IL1RAPL2: variants seen among roughly 807,000 people sequenced by gnomAD.
The protein encoded by IL1RAPL2 is X-linked interleukin-1 receptor accessory protein-like 2.
Under a neutral mutation model 44.1 loss-of-function variants are expected in IL1RAPL2, and 3 were observed. That is an observed-to-expected ratio of 0.07 (90% CI 0.03 to 0.18). The LOEUF is 0.18. Ranked by LOEUF, IL1RAPL2 falls within the 10% of genes least tolerant of loss-of-function variation. The pLI is 1.00. For missense variants in IL1RAPL2, 391 were observed against 496.4 expected, an observed-to-expected ratio of 0.79 and a Z score of 2.02; for synonymous variants, 181 against 178.8, an observed-to-expected ratio of 1.01 and a Z score of -0.10.
intron 5 of IL1RAPL2, among the ~76,000 whole-genome samples, chrX:105,453,674 A>C (rs1336085752): frequency 8.9e-6 from 1 of 111,781 alleles, no homozygotes; most frequent in Non-Finnish European, 1.9e-5. Flanking sequence ...TTCATCTTAC[A>C]TTCTCCCAAT....
At chrX:104,635,197 T>A (rs1395668514) in intron 1 of IL1RAPL2, among the ~76,000 whole-genome samples, 3 of 112,138 alleles carry the variant, frequency 2.7e-5, no homozygotes, top group African/African-American at 6.5e-5. Flanking sequence ...TTATAGAGTT[T>A]CTGCTGAGAG....
At chrX:105,169,490 TTC>T (rs2033403204) in intron 2 of IL1RAPL2, among the ~76,000 whole-genome samples, 1 of 95,941 alleles carries the variant, frequency 1.0e-5, no homozygotes, top group Admixed American at 1.1e-4. Context: ...GTTTCTTTCT[TTC>T]TTTTTTTTTT....
At chrX:105,253,451 C>G (rs1016111909) in intron 4 of IL1RAPL2, among the ~76,000 whole-genome samples, 1 of 111,628 alleles carries the variant, frequency 9.0e-6, no homozygotes, top group African/African-American at 3.3e-5. Context: ...CCCATCTACT[C>G]TTACATGATG....
intron 5 of IL1RAPL2, among the ~76,000 whole-genome samples, chrX:105,446,235 C>T (rs1466645369): frequency 9.0e-6 from 1 of 110,927 alleles, no homozygotes; most frequent in Non-Finnish European, 1.9e-5. Context: ...GTTTCCATTG[C>T]CGTGGGATAT....
intron 5 of IL1RAPL2, among the ~76,000 whole-genome samples, chrX:105,294,810 T>G (rs1024290656): frequency 6.3e-5 from 7 of 111,852 alleles, no homozygotes; most frequent in African/African-American, 2.3e-4. Flanking sequence ...CACATGTTAT[T>G]GCATGTAATG....
intron 6 of IL1RAPL2, among the ~76,000 whole-genome samples, chrX:105,532,066 T>A (rs1220432778): frequency 3.6e-5 from 4 of 112,166 alleles, no homozygotes; most frequent in African/African-American, 1.3e-4. Flanking sequence ...TGTTTCAGAC[T>A]CACTGTGTAC....
chrX:104,820,783 T>C (rs1406723682), intron 2 of IL1RAPL2, among the ~76,000 whole-genome samples: 2 of 112,277 alleles, frequency 1.8e-5, no homozygotes, highest in African/African-American at 3.2e-5. Flanking sequence ...AATAATATTC[T>C]CCTTACTCAT....
At chrX:105,652,623 AGTTC>A (rs2037649268) in intron 6 of IL1RAPL2, among the ~76,000 whole-genome samples, 1 of 111,433 alleles carries the variant, frequency 9.0e-6, no homozygotes, top group African/African-American at 3.3e-5. Flanking sequence ...TATTGTTCAG[AGTTC>A]ATTTCTAATA....
chrX:104,998,343 G>T (rs1471562122), intron 2 of IL1RAPL2, among the ~76,000 whole-genome samples: 1 of 111,260 alleles, frequency 9.0e-6, no homozygotes, highest in Non-Finnish European at 1.9e-5. Context: ...TGAGGGGGAG[G>T]ATGTGAGTGA....
chrX:105,460,163 A>T (rs762121733), intron 5 of IL1RAPL2, among the ~76,000 whole-genome samples: 15 of 111,260 alleles, frequency 1.3e-4, no homozygotes, highest in African/African-American at 4.2e-4. Flanking sequence ...CTTTCATAAT[A>T]AATGGACAAG....
chrX:105,266,709 A>G (rs1453955597), intron 4 of IL1RAPL2, among the ~76,000 whole-genome samples: 4 of 111,279 alleles, frequency 3.6e-5, no homozygotes, highest in Admixed American at 2.9e-4. Flanking sequence ...GAACTCAGAA[A>G]GTAAGTGGAT....
intron 2 of IL1RAPL2, among the ~76,000 whole-genome samples, chrX:105,113,192 G>A (rs2032819158): frequency 8.9e-6 from 1 of 112,431 alleles, no homozygotes; most frequent in Non-Finnish European, 1.9e-5. Context: ...TAGTAAACAG[G>A]AAATAAGCCT....
intron 2 of IL1RAPL2, among the ~76,000 whole-genome samples, chrX:104,889,567 A>G (rs776934787): frequency 2.2e-4 from 24 of 111,560 alleles, no homozygotes; most frequent in Non-Finnish European, 4.3e-4. Context: ...CTAAGTCCCA[A>G]CATTAACATT....
intron 2 of IL1RAPL2, among the ~76,000 whole-genome samples, chrX:104,794,150 G>C (rs2061314149): frequency 8.9e-6 from 1 of 111,980 alleles, no homozygotes; most frequent in South Asian, 3.7e-4. Context: ...GTAGCATAGG[G>C]GATATGTGAA....
chrX:104,733,064 C>A (rs1487345661), intron 2 of IL1RAPL2, among the ~76,000 whole-genome samples: 1 of 111,054 alleles, frequency 9.0e-6, no homozygotes, highest in African/African-American at 3.3e-5. Flanking sequence ...TAATATAATT[C>A]AATATAATTT....
At chrX:105,006,529 C>T (rs934069660) in intron 2 of IL1RAPL2, among the ~76,000 whole-genome samples, 1 of 110,926 alleles carries the variant, frequency 9.0e-6, no homozygotes, top group Non-Finnish European at 1.9e-5. Context: ...GTAACTTTCT[C>T]AGGATATTCA....
intron 5 of IL1RAPL2, among the ~76,000 whole-genome samples, chrX:105,348,772 A>C (rs1209654312): frequency 8.9e-6 from 1 of 111,742 alleles, no homozygotes; most frequent in Non-Finnish European, 1.9e-5. Flanking sequence ...TATAGCAGGG[A>C]AGGAGTGCAG....
chrX:104,610,081 TGTTA>T (rs1929115273), intron 1 of IL1RAPL2, among the ~76,000 whole-genome samples: 1 of 111,817 alleles, frequency 8.9e-6, no homozygotes, highest in African/African-American at 3.3e-5. Flanking sequence ...CATTTTTGTT[TGTTA>T]GTTTTCTTTC....
intron 5 of IL1RAPL2, among the ~76,000 whole-genome samples, chrX:105,455,499 A>G (rs946111627): frequency 8.9e-6 from 1 of 112,181 alleles, no homozygotes; most frequent in African/African-American, 3.2e-5. Context: ...ATATTTGTAT[A>G]TGGTGAAAGG....
Sources: allele counts gnomAD v4.1 joint callset (sites outside exome capture counted in the v4.1 genomes callset), GRCh38; gene constraint gnomAD v4.1.1; transcripts MANE v1.5; gene names NCBI Gene and HGNC (gene_info 2026-07-23, HGNC 2026-07-21).